The following PTPRT variants were observed in gnomAD, a reference collection of about 807,000 sequenced individuals.
PTPRT encodes the protein protein tyrosine phosphatase receptor type T.
A neutral mutation model predicts 176.8 loss-of-function variants in PTPRT; 56 were observed. The observed-to-expected ratio is 0.32, with a 90% CI of 0.26 to 0.40. The LOEUF is 0.40. Among genes scored for constraint, PTPRT ranks in the 10% least tolerant of loss-of-function variants. PTPRT has a pLI of 1.00. For missense variants in PTPRT, 1,540 were observed against 1,908.2 expected (o/e 0.81, Z 3.60); for synonymous variants, 783 against 739.0 (o/e 1.06, Z -0.96).
At chr20:42,467,339 C>A (rs1263539214) in intron 8 of PTPRT, among the ~76,000 whole-genome samples, 2 of 152,144 alleles carry the variant, frequency 1.3e-5, no homozygotes, top group African/African-American at 4.8e-5. Context: ...CAGTTCTTGT[C>A]TTATCTAAGT....
intron 1 of PTPRT, among the ~76,000 whole-genome samples, chr20:42,919,737 C>G (rs1027403454): frequency 6.6e-6 from 1 of 152,208 alleles, no homozygotes; most frequent in African/African-American, 2.4e-5. Context: ...AGTAAGAAGA[C>G]CTTCGAATTC....
At chr20:42,389,689 C>CA (rs935485398) in intron 9 of PTPRT, among the ~76,000 whole-genome samples, 8 of 151,626 alleles carry the variant, frequency 5.3e-5, no homozygotes, top group African/African-American at 1.5e-4. Flanking sequence ...CCTGTCACCA[C>CA]AAAAAAATTA....
At chr20:43,127,279 C>A (rs1271434735) in intron 1 of PTPRT, among the ~76,000 whole-genome samples, 1 of 151,806 alleles carries the variant, frequency 6.6e-6, no homozygotes, top group Non-Finnish European at 1.5e-5. Context: ...AAAAATTAGC[C>A]GGGCGTGGTG....
chr20:42,577,969 G>GTGTA (rs564005742), intron 7 of PTPRT, among the ~76,000 whole-genome samples: 4,960 of 140,332 alleles, frequency 0.035, 457 homozygotes, highest in African/African-American at 0.095. Flanking sequence ...GTGTGTGTGT[G>GTGTA]TAGGCATACC....
chr20:42,108,256 C>T (rs76175874), intron 23 of PTPRT, among the ~76,000 whole-genome samples: 1 of 19,014 alleles, frequency 5.3e-5, no homozygotes, highest in Non-Finnish European at 9.4e-5. Flanking sequence ...GTGTTTATTT[C>T]ATTTCAGCAT....
intron 7 of PTPRT, among the ~76,000 whole-genome samples, chr20:42,550,598 A>C (rs2072751727): frequency 6.6e-6 from 1 of 152,126 alleles, no homozygotes; most frequent in Admixed American, 6.6e-5. Context: ...TCTTGCCTAG[A>C]CACAAATTCC....
At chr20:42,095,118 C>T (rs1600493212) in intron 27 of PTPRT, among the ~76,000 whole-genome samples, 1 of 152,202 alleles carries the variant, frequency 6.6e-6, no homozygotes, top group African/African-American at 2.4e-5. Flanking sequence ...TTCAACCAAC[C>T]TCACCTGCCA....
At chr20:42,316,356 T>G (rs999771355) in intron 11 of PTPRT, among the ~76,000 whole-genome samples, 4 of 152,138 alleles carry the variant, frequency 2.6e-5, no homozygotes, top group Non-Finnish European at 5.9e-5. Context: ...TCGTTCTCAC[T>G]CCTCATCCTA....
At chr20:42,581,728 G>C (rs2073376281) in intron 7 of PTPRT, among the ~76,000 whole-genome samples, 1 of 152,148 alleles carries the variant, frequency 6.6e-6, no homozygotes, top group Non-Finnish European at 1.5e-5. Context: ...AGAGAAAATT[G>C]CATTGCCTTT....
At chr20:42,185,430 T>C (rs61186166) in intron 16 of PTPRT, among the ~76,000 whole-genome samples, 4,467 of 152,258 alleles carry the variant, frequency 0.029, 216 homozygotes, top group African/African-American at 0.1. Context: ...GATTCCCAGA[T>C]CCAAATGGTT....
chr20:42,163,285 C>T (rs998945024), intron 16 of PTPRT, among the ~76,000 whole-genome samples: 13 of 152,256 alleles, frequency 8.5e-5, no homozygotes, highest in African/African-American at 2.6e-4. Flanking sequence ...GAGAGACTGT[C>T]CTTTGGGGAC....
intron 19 of PTPRT, among the ~76,000 whole-genome samples, chr20:42,124,986 G>A (rs986218855): frequency 2.0e-5 from 3 of 152,132 alleles, no homozygotes; most frequent in African/African-American, 7.2e-5. Flanking sequence ...GGAGGTTGGG[G>A]CATATGTTCT....
chr20:42,598,925 A>T (rs977437037), intron 7 of PTPRT, among the ~76,000 whole-genome samples: 2 of 152,220 alleles, frequency 1.3e-5, no homozygotes, highest in Admixed American at 6.5e-5. Context: ...CGGCGGCTAA[A>T]TAAACGAATG....
chr20:42,533,091 C>T (rs891537108), intron 7 of PTPRT, among the ~76,000 whole-genome samples: 2 of 152,150 alleles, frequency 1.3e-5, no homozygotes, highest in African/African-American at 4.8e-5. Context: ...TGTAATCTTC[C>T]CTCCGCCAGG....
chr20:42,860,471 C>G (rs1036496182), intron 2 of PTPRT, among the ~76,000 whole-genome samples: 1 of 152,174 alleles, frequency 6.6e-6, no homozygotes, highest in African/African-American at 2.4e-5. Context: ...AATATGCATT[C>G]AATATTTTAA....
chr20:42,314,988 T>C (rs1013009061), intron 12 of PTPRT, among the ~76,000 whole-genome samples: 8 of 152,178 alleles, frequency 5.3e-5, no homozygotes, highest in Non-Finnish European at 1.0e-4. Flanking sequence ...GTGTTTGAGA[T>C]TGTTGAATGA....
intron 1 of PTPRT, among the ~76,000 whole-genome samples, chr20:43,061,261 T>C (rs1158738042): frequency 6.6e-6 from 1 of 152,202 alleles, no homozygotes; most frequent in African/African-American, 2.4e-5. Context: ...TCTACTCAAC[T>C]GTAGGGTGGC....
chr20:42,986,678 T>C (rs1983596515), intron 1 of PTPRT, among the ~76,000 whole-genome samples: 2 of 152,196 alleles, frequency 1.3e-5, no homozygotes, highest in Admixed American at 1.3e-4. Flanking sequence ...CGTCACTCAC[T>C]GTGGGAAGGA....
chr20:43,078,388 T>C (rs2011336754), intron 1 of PTPRT, among the ~76,000 whole-genome samples: 1 of 152,208 alleles, frequency 6.6e-6, no homozygotes, highest in Non-Finnish European at 1.5e-5. Context: ...GAATAGATAT[T>C]GGTGACCGAA....
Sources: allele counts gnomAD v4.1 joint callset (sites outside exome capture counted in the v4.1 genomes callset), GRCh38; gene constraint gnomAD v4.1.1; transcripts MANE v1.5; gene names NCBI Gene and HGNC (gene_info 2026-07-23, HGNC 2026-07-21).